Variants in UGT3A2 observed in about 807,000 individuals in gnomAD.
UGT3A2 encodes UDP-glycosyltransferase 3A2.
A neutral mutation model predicts 39.8 loss-of-function variants in UGT3A2; 32 were observed. That is an observed-to-expected ratio of 0.80 (90% confidence interval 0.61 to 1.08). The LOEUF (loss-of-function observed/expected upper bound fraction) is 1.08. Among genes scored for constraint, UGT3A2 ranks in the 50% least tolerant of loss-of-function variants. The probability of loss-of-function intolerance (pLI) is 0.00; values close to 1 mark genes in which losing one functional copy is unlikely to be tolerated. For missense variants in UGT3A2, 611 were observed against 637.1 expected, an observed-to-expected ratio of 0.96 and a Z score of 0.44; for synonymous variants, 241 against 230.7, an observed-to-expected ratio of 1.04 and a Z score of -0.40.
At position 36,035,629 on chromosome 5, in the gene UGT3A2, C is replaced by A; in HGVS notation, c.*69G>T. On this transcript the variant is annotated 3_prime_UTR_variant, in exon 7 of 7. Coordinates refer to ENST00000282507, the MANE Select transcript of UGT3A2 (RefSeq NM_174914.4). ...GGACTAGAGAATGGGGCTGCCAGAA[C>A]TAGTGGGAAGCTCCCTAGAAATGGT... 6.4e-7 allele frequency: 1 copy of A among 1,561,656 alleles called. No individual in the cohort carries two copies. The highest frequency in any genetic ancestry group is 1.2e-5 in the South Asian group (1 of 82,890).
In UGT3A2 at chr5:36,051,723, A is replaced by AATCC. The variant is rs869118466; in HGVS notation, c.311+143_311+146dup. On this transcript the variant is annotated intron_variant, in intron 3 of 6. Transcript: ENST00000282507. ...CCTGTCATCTGTCTCTCCATCTATC[A>AATCC]ATCCATCCATCCGTCCATCCATCCA... The AATCC allele has an allele frequency of 3.0e-4, 192 of 646,518 alleles. 2 individuals carry two copies. The highest frequency in any genetic ancestry group is 1.0e-3 in the African/African-American group (50 of 49,112). 40.0% of individuals were successfully genotyped at this position (646,518 alleles called of 1,614,324 possible).
At chr5:36,051,284 C>A (rs1742333680) in intron 3 of UGT3A2, among the ~76,000 whole-genome samples, 1 of 152,100 alleles carries the variant, frequency 6.6e-6, no homozygotes, top group South Asian at 2.1e-4. Context: ...GTTATGTGTT[C>A]CTTCCCATCG....
At chr5:36,037,735 A>G in intron 6 of UGT3A2, 62 bp downstream of exon 6, 1 of 1,567,118 alleles carries the variant, frequency 6.4e-7, no homozygotes, top group African/African-American at 1.4e-5. Flanking sequence ...AGACTCCCAT[A>G]GTGCCCTTAG....
intron 5 of UGT3A2, among the ~76,000 whole-genome samples, chr5:36,038,436 C>T (rs1352463945): frequency 2.6e-5 from 4 of 152,202 alleles, no homozygotes; most frequent in Admixed American, 2.0e-4. Flanking sequence ...CAGCTGATTT[C>T]CCTTTTCTTG....
In UGT3A2 at chr5:36,035,040, C is replaced by T. The variant is rs79243319; in HGVS notation, c.*658G>A. 0.011 allele frequency: 1,653 copies of T among 152,654 alleles called. 31 individuals are homozygous for T. Among genetic ancestry groups the T allele is most frequent in the East Asian group, 0.073 (386 of 5,306 alleles). 9.5% of individuals were successfully genotyped at this position (152,654 alleles called of 1,614,324 possible). ...ATTTAGTGAGGTTGGGGAGAGATAACGCTGTAAACTTTTATTTTTCAGGAA... is the reference window on the plus strand; with the variant it reads ...ATTTAGTGAGGTTGGGGAGAGATAATGCTGTAAACTTTTATTTTTCAGGAA... On this transcript the variant is annotated 3_prime_UTR_variant, in exon 7 of 7. Coordinates refer to ENST00000282507, the MANE Select transcript of UGT3A2 (RefSeq NM_174914.4).
chr5:36,047,122 A>G (rs901196804), intron 4 of UGT3A2, among the ~76,000 whole-genome samples: 2 of 152,210 alleles, frequency 1.3e-5, no homozygotes, highest in African/African-American at 4.8e-5. Context: ...GAGACTCCAA[A>G]AAATGCAGTT....
At chr5:36,037,427 A>T (rs1430378420) in intron 6 of UGT3A2, among the ~76,000 whole-genome samples, 1 of 152,184 alleles carries the variant, frequency 6.6e-6, no homozygotes, top group Admixed American at 6.5e-5. Flanking sequence ...ACAAACAAAA[A>T]GCCAAGGGGG....
intron 4 of UGT3A2, among the ~76,000 whole-genome samples, chr5:36,046,210 G>A (rs1439691960): frequency 6.6e-6 from 1 of 152,140 alleles, no homozygotes; most frequent in Non-Finnish European, 1.5e-5. Flanking sequence ...GAGGTTCATC[G>A]AAAAACTAAA....
Position 36,035,499 on chromosome 5 carries a change from G to A in UGT3A2, c.*199C>T, listed in dbSNP as rs559416539. ...AAGAGGACTGGAAAGAATTCTGCTA[G>A]CAGGCAGGAGCTAGTAAGGATGAAT... On this transcript the variant is annotated 3_prime_UTR_variant, in exon 7 of 7. Coordinates refer to ENST00000282507, the MANE Select transcript of UGT3A2 (RefSeq NM_174914.4). The A allele has an allele frequency of 2.2e-4, 163 of 725,466 alleles. No individual in the cohort carries two copies. Among genetic ancestry groups the A allele is most frequent in the Middle Eastern group, 1.2e-3 (3 of 2,454 alleles). The allele number at this position is 725,466 out of a possible 1,614,324, so 44.9% of individuals were successfully genotyped here.
At chr5:36,044,505 A>G (rs4869611) in intron 4 of UGT3A2, among the ~76,000 whole-genome samples, 1 of 152,122 alleles carries the variant, frequency 6.6e-6, no homozygotes. Context: ...GAAAGAAATA[A>G]AGGGCAGTTA....
chr5:36,048,847 C>T (rs1199542222), intron 4 of UGT3A2, 42 bp downstream of exon 4: 2 of 1,591,856 alleles, frequency 1.3e-6, no homozygotes, highest in Non-Finnish European at 1.7e-6. Flanking sequence ...GCACTGAAGG[C>T]CTCTGCGTGA....
At chr5:36,047,434 A>G (rs1172147943) in intron 4 of UGT3A2, among the ~76,000 whole-genome samples, 1 of 152,132 alleles carries the variant, frequency 6.6e-6, no homozygotes, top group East Asian at 1.9e-4. Context: ...TTACTTCCAA[A>G]TATTTCTTTG....
intron 5 of UGT3A2, among the ~76,000 whole-genome samples, chr5:36,038,559 T>C (rs952380247): frequency 1.3e-5 from 2 of 152,238 alleles, no homozygotes; most frequent in African/African-American, 4.8e-5. Flanking sequence ...ACTGGATCCT[T>C]CGCCTCTGTA....
At chr5:36,061,744 G>A (rs796552963) in intron 2 of UGT3A2, among the ~76,000 whole-genome samples, 83 of 143,756 alleles carry the variant, frequency 5.8e-4, no homozygotes, top group South Asian at 1.1e-3. Flanking sequence ...ATAGTCCTTT[G>A]GGTATACACC....
chr5:36,065,378 G>A (rs888989823), intron 1 of UGT3A2, among the ~76,000 whole-genome samples: 4 of 152,118 alleles, frequency 2.6e-5, no homozygotes, highest in South Asian at 2.1e-4. Flanking sequence ...TTTAATCCAC[G>A]TAAGAACAGG....
At chr5:36,055,824 T>C (rs1742492229) in intron 2 of UGT3A2, among the ~76,000 whole-genome samples, 1 of 152,254 alleles carries the variant, frequency 6.6e-6, no homozygotes, top group South Asian at 2.1e-4. Flanking sequence ...AAATATCCTT[T>C]CAGGGACATG....
At chr5:36,061,065 G>C (rs1165082463) in intron 2 of UGT3A2, among the ~76,000 whole-genome samples, 1 of 152,092 alleles carries the variant, frequency 6.6e-6, no homozygotes, top group Non-Finnish European at 1.5e-5. Flanking sequence ...CCAGTTATTT[G>C]GTAGGCTAAG....
chr5:36,064,105 C>T, intron 2 of UGT3A2, 144 bp downstream of exon 2: 1 of 709,598 alleles, frequency 1.4e-6, no homozygotes, highest in South Asian at 2.3e-5. Flanking sequence ...AGTTTTTTGG[C>T]ACTTTACATA....
chr5:36,065,778 T>C (rs1742860723), intron 1 of UGT3A2, among the ~76,000 whole-genome samples: 1 of 152,104 alleles, frequency 6.6e-6, no homozygotes. Flanking sequence ...TCACTCCCCA[T>C]CCTTCAATTG....
Sources: allele counts gnomAD v4.1 joint callset (sites outside exome capture counted in the v4.1 genomes callset), GRCh38; gene constraint gnomAD v4.1.1; transcripts MANE v1.5; gene names NCBI Gene and HGNC (gene_info 2026-07-23, HGNC 2026-07-21).